RBFOX1: variants seen among roughly 807,000 people sequenced by gnomAD.
The protein encoded by RBFOX1 is RNA binding fox-1 homolog 1.
RBFOX1 carries 8 observed loss-of-function variants against 57.7 expected under a neutral mutation model. The ratio of observed to expected loss-of-function variants is 0.14; its 90% confidence interval spans 0.08 to 0.25. The LOEUF is 0.25. RBFOX1 is among the 10% of genes least tolerant of loss of function. The pLI, the probability that RBFOX1 is intolerant of heterozygous loss-of-function variation, is 1.00. For missense variants in RBFOX1, 611 were observed against 548.5 expected (o/e 1.11, Z -1.14); for synonymous variants, 326 against 222.4 (o/e 1.47, Z -4.15).
intron 2 of RBFOX1, among the ~76,000 whole-genome samples, chr16:5,529,723 C>A (rs11076920): frequency 0.29 from 44,070 of 151,804 alleles, 7,153 homozygotes; most frequent in Non-Finnish European, 0.36. Context: ...AGTGCCACCA[C>A]GCCTGGCTAA....
intron 1 of RBFOX1, chr16:5,270,363 G>T: frequency 2.5e-6 from 3 of 1,179,134 alleles, no homozygotes; most frequent in South Asian, 2.5e-5. Flanking sequence ...GGTCTCAAGG[G>T]TCTTGTGTTT....
intron 1 of RBFOX1, among the ~76,000 whole-genome samples, chr16:5,240,696 CAG>C (rs1216260934): frequency 6.6e-6 from 1 of 152,222 alleles, no homozygotes; most frequent in African/African-American, 2.4e-5. Flanking sequence ...CAGAGAGGGA[CAG>C]AGAGGCAAAG....
chr16:6,803,928 AT>A (rs2154260022), intron 3 of RBFOX1, among the ~76,000 whole-genome samples: 1 of 152,074 alleles, frequency 6.6e-6, no homozygotes, highest in Non-Finnish European at 1.5e-5. Flanking sequence ...TAGATCTGGC[AT>A]CTTGTTTAGA....
intron 4 of RBFOX1, among the ~76,000 whole-genome samples, chr16:7,149,018 A>G (rs747374656): frequency 1.1e-4 from 16 of 152,234 alleles, no homozygotes; most frequent in Non-Finnish European, 1.6e-4. Flanking sequence ...AGAATGCGTC[A>G]AGGGAAGGGG....
In RBFOX1 at chr16:6,541,008, C is replaced by G. The variant is rs144247473; in HGVS notation, c.-63-113595C>G. Among the ~76,000 whole-genome samples, 752 of 152,302 alleles carry G rather than the reference C, an allele frequency of 4.9e-3. 3 individuals carry two copies. Among genetic ancestry groups the G allele is most frequent in the African/African-American group, 0.017 (721 of 41,556 alleles). On this transcript the variant is annotated intron_variant, in intron 2 of 15. Transcript: ENST00000550418. ...ATTGCAAAGCAGCACGAAGAGCAAG[C>G]ATGAGTGAATCAAGTTCTTATATAA...
intron 1 of RBFOX1, among the ~76,000 whole-genome samples, chr16:5,378,942 C>T (rs1384904612): frequency 6.6e-6 from 1 of 151,534 alleles, no homozygotes; most frequent in Non-Finnish European, 1.5e-5. Context: ...CACTGAAAAC[C>T]ATTCCCTTAC....
chr16:6,389,609 A>G (rs984861618), intron 2 of RBFOX1, among the ~76,000 whole-genome samples: 9 of 152,088 alleles, frequency 5.9e-5, no homozygotes, highest in East Asian at 1.9e-4. Flanking sequence ...TACCTAAACT[A>G]TGGTGTGAGG....
chr16:7,680,945 GACTTATA>G (rs1308164519), intron 14 of RBFOX1, among the ~76,000 whole-genome samples: 2 of 152,044 alleles, frequency 1.3e-5, no homozygotes, highest in Non-Finnish European at 2.9e-5. Flanking sequence ...CCTCACAAGG[GACTTATA>G]AGTGTTTTCA....
intron 3 of RBFOX1, among the ~76,000 whole-genome samples, chr16:6,929,312 G>C (rs978636115): frequency 2.6e-5 from 4 of 152,104 alleles, no homozygotes; most frequent in African/African-American, 9.7e-5. Flanking sequence ...AATGGAAGAG[G>C]GGTTTACCTT....
rs1486604067 is a variant in RBFOX1 at position 6,097,238 on chromosome 16, A to C, written c.-127+77246A>C. Among the ~76,000 whole-genome samples the C allele has an allele frequency of 6.6e-6, 1 of 152,158 alleles. No homozygotes were observed. The highest frequency in any genetic ancestry group is 1.5e-5 in the Non-Finnish European group (1 of 68,034). On this transcript the variant is annotated intron_variant, in intron 1 of 15. Coordinates refer to ENST00000550418, the MANE Select transcript of RBFOX1 (RefSeq NM_018723.4). The surrounding 1 kb of genome is among the most constrained non-coding windows in gnomAD (Gnocchi z 5.0). ...AGCCATGTGGAACTGTGAGTCCATT[A>C]AACTTCTTTTTGTTTATAAATTACT...
chr16:7,060,243 C>T (rs533950316), intron 4 of RBFOX1, among the ~76,000 whole-genome samples: 2 of 152,148 alleles, frequency 1.3e-5, no homozygotes, highest in Non-Finnish European at 2.9e-5. Flanking sequence ...ATGATTGAGG[C>T]TATGTCTCAA....
At chr16:7,694,120 T>A (rs575458511) in intron 14 of RBFOX1, among the ~76,000 whole-genome samples, 3 of 152,180 alleles carry the variant, frequency 2.0e-5, no homozygotes, top group Non-Finnish European at 2.9e-5. Flanking sequence ...AACACTAGAT[T>A]TCCTTCTTTT....
chr16:6,817,893 C>T lies in RBFOX1; in HGVS notation c.-16+163243C>T, dbSNP rs144605756. ...CCAAGCCCTTCATGAAGGCTTGCCT[C>T]ATACCCTGTTCCTGGGCCATTGCCC... is the stretch of plus-strand genomic sequence containing the variant. On this transcript the variant is annotated intron_variant, in intron 3 of 15. Coordinates refer to ENST00000550418, the MANE Select transcript of RBFOX1 (RefSeq NM_018723.4). 7.5e-4 allele frequency among the ~76,000 whole-genome samples: 114 copies of T among 152,256 alleles called. 1 individual carries two copies. The highest frequency in any genetic ancestry group is 1.2e-3 in the Non-Finnish European group (81 of 68,026).
chr16:7,270,074 C>A (rs4258633), intron 4 of RBFOX1, among the ~76,000 whole-genome samples: 1 of 152,164 alleles, frequency 6.6e-6, no homozygotes, highest in Non-Finnish European at 1.5e-5. Context: ...AAAGTAGATA[C>A]TACTGTCCTC....
intron 4 of RBFOX1, among the ~76,000 whole-genome samples, chr16:7,224,446 A>C (rs1282609610): frequency 1.3e-5 from 2 of 152,162 alleles, no homozygotes; most frequent in South Asian, 2.1e-4. Context: ...AAGCATCACC[A>C]GCCCAGTGCT....
chr16:7,628,907 C>G (rs2060494303), intron 10 of RBFOX1, among the ~76,000 whole-genome samples: 1 of 152,182 alleles, frequency 6.6e-6, no homozygotes, highest in Non-Finnish European at 1.5e-5. Flanking sequence ...GCCACTACAC[C>G]TGGCCGATAA....
intron 4 of RBFOX1, among the ~76,000 whole-genome samples, chr16:7,441,240 G>A (rs2098764006): frequency 6.6e-6 from 1 of 152,168 alleles, no homozygotes; most frequent in Non-Finnish European, 1.5e-5. Context: ...AGCTCTGCAA[G>A]GCTAGGAATT....
At chr16:6,738,703 T>C (rs907101265) in intron 3 of RBFOX1, among the ~76,000 whole-genome samples, 4 of 152,098 alleles carry the variant, frequency 2.6e-5, no homozygotes, top group Admixed American at 1.3e-4. Context: ...AAGGAGCCCA[T>C]AGAGCATATA....
At chr16:5,932,803 C>T (rs112547777) in intron 4 of RBFOX1, among the ~76,000 whole-genome samples, 3,019 of 152,104 alleles carry the variant, frequency 0.02, 114 homozygotes, top group African/African-American at 0.069. Flanking sequence ...CACGTGACCT[C>T]GGGTGCTTGG....
Sources: gnomAD v4.1 joint callset for allele counts (sites outside exome capture counted in the v4.1 genomes callset) on GRCh38, gnomAD v4.1.1 for gene constraint, Gnocchi (gnomAD v3.1) non-coding constraint, MANE v1.5 for transcripts, NCBI Gene and HGNC (gene_info 2026-07-23, HGNC 2026-07-21) for gene names.